The following ZNF839 variants were observed in gnomAD, a reference collection of about 807,000 sequenced individuals.
ZNF839 encodes renal carcinoma antigen NY-REN-50.
ZNF839 carries 38 observed loss-of-function variants against 56.4 expected under a neutral mutation model. That is an observed-to-expected ratio of 0.67 (90% CI 0.52 to 0.88). The LOEUF is 0.88. Ranked by LOEUF, ZNF839 falls within the 40% of genes least tolerant of loss-of-function variation. ZNF839 has a pLI of 0.00. For synonymous variants in ZNF839, 486 were observed against 493.5 expected (o/e 0.98, Z 0.20); for missense variants, 1,091 against 1,177.6 (o/e 0.93, Z 1.08).
chr14:102,329,789 CTTTTTTT>C lies in ZNF839; in HGVS notation c.1192-1817_1192-1811del, dbSNP rs35781672. On this transcript the variant is annotated intron_variant, in intron 2 of 7. Coordinates refer to ENST00000442396, the MANE Select transcript of ZNF839 (RefSeq NM_018335.6). ...GATCATATCTGCAAATAGAGATAAC[CTTTTTTT>C]TTTTTTTTTTTTTTTGAGACGAAGT... Among the ~76,000 whole-genome samples, 8 of 102,114 alleles carry C rather than the reference CTTTTTTT, an allele frequency of 7.8e-5. No homozygotes were observed. The East Asian group carries it at 2.2e-3, about 28-fold the overall frequency. 67.0% of individuals were successfully genotyped at this position (102,114 alleles called of 152,430 possible).
chr14:102,337,713 G>A (rs919715253), intron 5 of ZNF839: 1 of 152,206 alleles, frequency 6.6e-6, no homozygotes, highest in East Asian at 1.9e-4. Context: ...CGTTTGTGAG[G>A]GGACACCATC....
At chr14:102,330,642 C>T (rs1273798373) in intron 2 of ZNF839, among the ~76,000 whole-genome samples, 1 of 149,840 alleles carries the variant, frequency 6.7e-6, no homozygotes, top group African/African-American at 2.5e-5. Flanking sequence ...TCCAGTGATT[C>T]TTCTGCCTCA....
rs765553277 is a variant in ZNF839 at position 102,331,817 on chromosome 14, G to C, written c.1387G>C (p.Ala463Pro). The C allele has an allele frequency of 1.9e-6, 3 of 1,580,108 alleles. No homozygotes were observed. The highest frequency in any genetic ancestry group is 2.3e-5 in the South Asian group (2 of 87,274). Reference protein sequence around the residue: ...GGPAAAGEQRASPSKARLKEF... With the variant: ...GGPAAAGEQRPSPSKARLKEF... Reference sequence around the variant, plus strand: ...CCCTGCTGCGGCAGGGGAGCAGAGGGCGTCGCCAAGCAAAGCCAGGCTCAA... The same window carrying C: ...CCCTGCTGCGGCAGGGGAGCAGAGGCCGTCGCCAAGCAAAGCCAGGCTCAA... Residue 463 changes from alanine (A) to proline (P), a missense_variant, in exon 3 of 8, where the codon GCG (alanine) becomes CCG (proline). Physicochemically the swap from Ala to Pro is conservative, Grantham distance 27 (BLOSUM62 -1). This residue lies in a region of ZNF839 where 614 missense variants were observed against 629.2 expected (regional missense o/e 0.98). Transcript: ENST00000442396.
chr14:102,333,289 G>T (rs1377183155), intron 3 of ZNF839, among the ~76,000 whole-genome samples: 4 of 144,910 alleles, frequency 2.8e-5, no homozygotes, highest in African/African-American at 7.8e-5. Context: ...TTGAGAGAGG[G>T]TCTCATTCTG....
At chr14:102,330,555 G>A (rs948697944) in intron 2 of ZNF839, among the ~76,000 whole-genome samples, 2 of 129,602 alleles carry the variant, frequency 1.5e-5, no homozygotes, top group Non-Finnish European at 3.2e-5. Flanking sequence ...TTTTTTTGGC[G>A]ATAGAGTCTC....
At chr14:102,339,893 A>G (rs1231276680) in intron 7 of ZNF839, among the ~76,000 whole-genome samples, 3 of 152,202 alleles carry the variant, frequency 2.0e-5, no homozygotes, top group Non-Finnish European at 4.4e-5. Context: ...CTGAGATTTA[A>G]CATTTGAAAA....
upstream of ZNF839, chr14:102,317,787 CT>C (rs2072939450): frequency 6.6e-6 from 1 of 152,264 alleles, no homozygotes; most frequent in Middle Eastern, 3.4e-3. Context: ...TTTGTCCCCC[CT>C]CTTTTCTTTT....
chr14:102,326,608 G>T lies in ZNF839; in HGVS notation c.912G>T (p.Ser304=), dbSNP rs200901016. Residue 304 remains serine (S), a synonymous_variant, in exon 2 of 8, where the codon TCG becomes TCT. Coordinates refer to ENST00000442396, the MANE Select transcript of ZNF839 (RefSeq NM_018335.6). This position sits in a 1 kb window ranked among gnomAD's most constrained non-coding sequence, Gnocchi z 4.3. ...AGAGGCACGCACTCTTTGACTTATC[G>T]AGCTGCTCCCTGAGGCCCAAAAGCT... ...QRERHALFDL[S]SCSLRPKSFK... 39 of 1,613,698 alleles carry T rather than the reference G, an allele frequency of 2.4e-5. No homozygotes were observed. Among genetic ancestry groups the T allele is most frequent in the Non-Finnish European group, 3.1e-5 (37 of 1,179,780 alleles).
intron 2 of ZNF839, 81 bp from the exon 3 acceptor site, chr14:102,331,541 C>T (rs146969707): frequency 1.4e-4 from 176 of 1,263,456 alleles, no homozygotes; most frequent in Non-Finnish European, 1.6e-4. Context: ...TGAGCCACGG[C>T]GCCCGGCCAC....
At chr14:102,321,817 C>T (rs2139452424) in intron 1 of ZNF839, among the ~76,000 whole-genome samples, 1 of 152,238 alleles carries the variant, frequency 6.6e-6, no homozygotes, top group South Asian at 2.1e-4. Flanking sequence ...AAGGGTGCGT[C>T]TGAGTTGAAA....
intron 7 of ZNF839, 116 bp downstream of exon 7, chr14:102,339,339 G>GGTTTCTCT (rs1392312861): frequency 7.3e-7 from 1 of 1,361,068 alleles, no homozygotes; most frequent in Non-Finnish European, 9.9e-7. Flanking sequence ...TGGATTTAAG[G>GGTTTCTCT]GGACCCTCTG....
chr14:102,327,050 G>A (rs1266460434), intron 2 of ZNF839, among the ~76,000 whole-genome samples, 163 bp downstream of exon 2: 1 of 152,066 alleles, frequency 6.6e-6, no homozygotes, highest in Non-Finnish European at 1.5e-5. Context: ...TTCTGGGGAG[G>A]CCTCGGGAAA....
intron 1 of ZNF839, among the ~76,000 whole-genome samples, chr14:102,324,662 G>A (rs909608755): frequency 1.3e-5 from 2 of 152,100 alleles, no homozygotes; most frequent in African/African-American, 2.4e-5. Flanking sequence ...CAGCCTGGGC[G>A]ACAGAACGAG....
chr14:102,321,383 C>G (rs2073120067), intron 1 of ZNF839, among the ~76,000 whole-genome samples: 1 of 152,236 alleles, frequency 6.6e-6, no homozygotes, highest in Non-Finnish European at 1.5e-5. Flanking sequence ...TACTCCTCAC[C>G]ATACCCTGCT....
Position 102,338,938 on chromosome 14 carries a change from G to T in ZNF839, c.1782G>T (p.Glu594Asp). 1 of 1,614,038 alleles carries T rather than the reference G, an allele frequency of 6.2e-7. No individual in the cohort carries two copies. Among genetic ancestry groups the T allele is most frequent in the Non-Finnish European group, 8.5e-7 (1 of 1,179,902 alleles). The change falls in exon 6 of 8, where the codon GAG (glutamate) becomes GAT (aspartate). Residue 594 changes from glutamate (E) to aspartate (D), a missense_variant. This residue lies in a region of ZNF839 where 431 missense variants were observed against 468.0 expected (regional missense o/e 0.92). Coordinates refer to ENST00000442396, the MANE Select transcript of ZNF839 (RefSeq NM_018335.6). The stretch of plus-strand genomic sequence containing the variant: ...AGCAGCTAGAGGGAGCTAGCAGCGA[G>T]AAGAGGGAACGTGAGGTGGGCATGG... ...DGEQLEGASSEKREREAAEEG... is the reference protein window; with the variant it reads ...DGEQLEGASSDKREREAAEEG...
chr14:102,337,831 A>G (rs758089161), intron 5 of ZNF839: 6 of 152,222 alleles, frequency 3.9e-5, no homozygotes, highest in Non-Finnish European at 7.3e-5. Flanking sequence ...GGTTCTCTTT[A>G]TAACATCCAT....
At chr14:102,337,936 T>C (rs1886014544) in intron 5 of ZNF839, among the ~76,000 whole-genome samples, 1 of 152,214 alleles carries the variant, frequency 6.6e-6, no homozygotes, top group Admixed American at 6.5e-5. Flanking sequence ...CAAAAGCCTT[T>C]CCAGGTAGCT....
intron 2 of ZNF839, among the ~76,000 whole-genome samples, chr14:102,330,684 A>G (rs1034884222): frequency 6.7e-6 from 1 of 148,384 alleles, no homozygotes; most frequent in African/African-American, 2.5e-5. Flanking sequence ...CACCTGGCCA[A>G]TTTTTGTAAT....
chr14:102,327,440 C>T (rs2073477072), intron 2 of ZNF839, among the ~76,000 whole-genome samples: 2 of 152,212 alleles, frequency 1.3e-5, no homozygotes, highest in Non-Finnish European at 2.9e-5. Flanking sequence ...CACGCCTGGC[C>T]ACCACACACT....
Sources: allele counts gnomAD v4.1 joint callset (sites outside exome capture counted in the v4.1 genomes callset), GRCh38; gene constraint gnomAD v4.1.1; regional missense constraint gnomAD v4.1.1; non-coding constraint Gnocchi (gnomAD v3.1); transcripts MANE v1.5; gene names NCBI Gene and HGNC (gene_info 2026-07-23, HGNC 2026-07-21).